Variants in EXT1 observed in about 807,000 individuals in gnomAD.
EXT1 encodes exostosin-1.
EXT1 carries 20 observed loss-of-function variants against 82.5 expected under a neutral mutation model. That is an observed-to-expected ratio of 0.24 (90% CI 0.17 to 0.35). The LOEUF is 0.35. Among genes scored for constraint, EXT1 ranks in the 10% least tolerant of loss-of-function variants. The pLI is 1.00. For missense variants in EXT1, 757 were observed against 936.5 expected, an observed-to-expected ratio of 0.81 and a Z score of 2.50; for synonymous variants, 348 against 350.8, an observed-to-expected ratio of 0.99 and a Z score of 0.09.
intron 1 of EXT1, among the ~76,000 whole-genome samples, chr8:117,844,832 A>G (rs1054215155): frequency 1.3e-5 from 2 of 152,144 alleles, no homozygotes; most frequent in African/African-American, 4.8e-5. Context: ...GGCGTCCCCA[A>G]GCAGGAAGGC....
intron 1 of EXT1, among the ~76,000 whole-genome samples, chr8:118,042,067 C>T (rs375671334): frequency 2.0e-5 from 3 of 152,136 alleles, no homozygotes; most frequent in Admixed American, 6.5e-5. Flanking sequence ...AGGACCCCCT[C>T]GTACCCCCAT....
chr8:118,005,172 A>G (rs1320485823), intron 1 of EXT1, among the ~76,000 whole-genome samples: 4 of 152,208 alleles, frequency 2.6e-5, no homozygotes, highest in Non-Finnish European at 4.4e-5. Context: ...TAAAGGGCCC[A>G]GCCTCAGAGA....
In EXT1 at chr8:117,798,050, C is replaced by G. The variant is rs1823109189; in HGVS notation, c.*1662G>C. 6.6e-6 allele frequency: 1 copy of G among 152,242 alleles called. No homozygotes were observed. The highest frequency in any genetic ancestry group is 2.1e-4 in the South Asian group (1 of 4,832). 9.4% of individuals were successfully genotyped at this position (152,242 alleles called of 1,614,324 possible). A position where few individuals can be genotyped will look rare whatever the true frequency, so the allele number is the denominator to read the frequency against. Reference sequence around the variant, plus strand: ...CTTTCACTCCTGTTTACAGCACCATCCCCGTGCTATCATTACAAGCTCCTC... The same window carrying G: ...CTTTCACTCCTGTTTACAGCACCATGCCCGTGCTATCATTACAAGCTCCTC... On this transcript the variant is annotated 3_prime_UTR_variant, in exon 11 of 11. Transcript: ENST00000378204.
intron 1 of EXT1, among the ~76,000 whole-genome samples, chr8:118,060,196 A>G (rs922422886): frequency 1.7e-4 from 26 of 152,162 alleles, no homozygotes; most frequent in African/African-American, 6.3e-4. Context: ...AATAAAACAA[A>G]TCTTTCCTAG....
intron 4 of EXT1, 55 bp from the exon 5 acceptor site, chr8:117,822,652 A>C: frequency 1.2e-6 from 2 of 1,600,108 alleles, no homozygotes; most frequent in Non-Finnish European, 1.7e-6. Context: ...ATATTTGGAA[A>C]GGATGATGCT....
At chr8:118,057,671 TA>T (rs11417159) in intron 1 of EXT1, among the ~76,000 whole-genome samples, 2 of 150,238 alleles carry the variant, frequency 1.3e-5, no homozygotes, top group Non-Finnish European at 3.0e-5. Flanking sequence ...CTGGTCTCTT[TA>T]AAAAAAAAAT....
In EXT1 at chr8:118,073,625, GA is replaced by G. The variant is rs796198632; in HGVS notation, c.962+36459del. Among the ~76,000 whole-genome samples, 99 of 139,124 alleles carry G rather than the reference GA, an allele frequency of 7.1e-4. 2 individuals are homozygous for G. The South Asian group carries it at 0.017, about 24-fold the overall frequency. The allele number at this position is 139,124 out of a possible 152,430, so 91.3% of individuals were successfully genotyped here. ...ACAGAGAGAGGAAAGGAAGAGAAGA[GA>G]AGAGAAAGAAGAGAAGAGAAGAGAA... is the stretch of plus-strand genomic sequence containing the variant. On this transcript the variant is annotated intron_variant, in intron 1 of 10. Coordinates refer to ENST00000378204, the MANE Select transcript of EXT1 (RefSeq NM_000127.3).
intron 1 of EXT1, among the ~76,000 whole-genome samples, chr8:117,938,473 C>CAAT (rs1311880270): frequency 7.5e-4 from 113 of 150,302 alleles, no homozygotes; most frequent in African/African-American, 2.4e-3. Context: ...AAAATAATAA[C>CAAT]AATAATAATA....
chr8:117,830,080 AG>A, intron 4 of EXT1, 149 bp downstream of exon 4: 1 of 940,212 alleles, frequency 1.1e-6, no homozygotes. Context: ...ATGGCAAAGC[AG>A]GTAAAAGAGG....
At chr8:117,830,159 C>T in intron 4 of EXT1, 71 bp downstream of exon 4, 1 of 1,605,448 alleles carries the variant, frequency 6.2e-7, no homozygotes, top group African/African-American at 1.3e-5. Flanking sequence ...TCCCTAATAG[C>T]AAAACAGAAG....
intron 1 of EXT1, among the ~76,000 whole-genome samples, chr8:117,888,734 T>C (rs1381534800): frequency 6.6e-6 from 1 of 152,200 alleles, no homozygotes; most frequent in Admixed American, 6.5e-5. Flanking sequence ...TCTGTTCGAG[T>C]TCCACCTCCT....
intron 1 of EXT1, among the ~76,000 whole-genome samples, chr8:118,070,876 C>T (rs1048065023): frequency 1.3e-5 from 2 of 152,084 alleles, no homozygotes; most frequent in Non-Finnish European, 2.9e-5. Flanking sequence ...GGAAAAAAGA[C>T]TACATAAAAT....
At chr8:118,004,653 A>G (rs986901840) in intron 1 of EXT1, among the ~76,000 whole-genome samples, 1 of 152,186 alleles carries the variant, frequency 6.6e-6, no homozygotes, top group Non-Finnish European at 1.5e-5. Context: ...CTGGGATTTC[A>G]CTTCCTGAGT....
At chr8:117,945,925 C>T (rs1003691419) in intron 1 of EXT1, among the ~76,000 whole-genome samples, 4 of 151,476 alleles carry the variant, frequency 2.6e-5, no homozygotes, top group Non-Finnish European at 2.9e-5. Context: ...GTTTGAGATG[C>T]GAGTTTTGCT....
intron 1 of EXT1, among the ~76,000 whole-genome samples, chr8:118,032,039 C>G (rs1816330196): frequency 6.6e-6 from 1 of 151,128 alleles, no homozygotes; most frequent in South Asian, 2.1e-4. Flanking sequence ...CTTGCAGTGA[C>G]TGGCTGAGCA....
chr8:117,941,247 C>T (rs1404308855), intron 1 of EXT1, among the ~76,000 whole-genome samples: 1 of 152,146 alleles, frequency 6.6e-6, no homozygotes, highest in Non-Finnish European at 1.5e-5. Context: ...CTGATGAATG[C>T]CGGCAGCTCT....
chr8:117,818,651 A>T (rs757384537), intron 6 of EXT1, 121 bp from the exon 7 acceptor site: 47 of 811,602 alleles, frequency 5.8e-5, no homozygotes, highest in Non-Finnish European at 9.2e-5. Context: ...GCAAGACAAA[A>T]CGGCAGACAT....
chr8:117,808,566 C>A (rs1823269720), intron 8 of EXT1, among the ~76,000 whole-genome samples: 1 of 152,194 alleles, frequency 6.6e-6, no homozygotes, highest in Non-Finnish European at 1.5e-5. Context: ...ACCTCGTTAT[C>A]TTTGCCGTAT....
At chr8:117,880,715 C>T (rs17450765) in intron 1 of EXT1, among the ~76,000 whole-genome samples, 22,130 of 151,652 alleles carry the variant, frequency 0.15, 1,698 homozygotes, top group African/African-American at 0.19. Context: ...CTCAGCCTCC[C>T]GAGTAGGTGG....
Sources: gnomAD v4.1 joint callset for allele counts (sites outside exome capture counted in the v4.1 genomes callset) on GRCh38, gnomAD v4.1.1 for gene constraint, MANE v1.5 for transcripts, NCBI Gene and HGNC (gene_info 2026-07-23, HGNC 2026-07-21) for gene names.